The following OR14A2 variants were observed in gnomAD, a reference collection of about 807,000 sequenced individuals.
The protein encoded by OR14A2 is olfactory receptor family 14 subfamily A member 2.
For synonymous variants in OR14A2, 114 were observed against 58.6 expected (o/e 1.95, Z -4.32); for missense variants, 237 against 152.9 (o/e 1.55, Z -2.90).
At chr1:247,734,142 A>G in the OR14A2 span, among the ~76,000 whole-genome samples, 14 of 152,292 alleles carry the variant, frequency 9.2e-5, 1 homozygote, top group Middle Eastern at 6.8e-3. Context: ...AGAGCTTATT[A>G]AGATAAAGTG....
chr1:247,728,929 C>T (rs540461641), upstream of OR14A2, among the ~76,000 whole-genome samples: 8 of 152,158 alleles, frequency 5.3e-5, no homozygotes, highest in Non-Finnish European at 8.8e-5. Flanking sequence ...TCATAAACTC[C>T]GTGTCAACAT....
upstream of OR14A2, among the ~76,000 whole-genome samples, chr1:247,724,231 T>C (rs934371118): frequency 1.3e-5 from 2 of 152,088 alleles, no homozygotes; most frequent in African/African-American, 4.8e-5. Context: ...ATTGTTCATT[T>C]TTTAAGATAA....
chr1:247,734,802 T>C, the OR14A2 span, among the ~76,000 whole-genome samples: 1 of 152,212 alleles, frequency 6.6e-6, no homozygotes, highest in South Asian at 2.1e-4. Flanking sequence ...TCGCAATGAA[T>C]GTGGGGTGTC....
the OR14A2 span, chr1:247,746,767 C>G: frequency 6.6e-6 from 1 of 152,132 alleles, no homozygotes; most frequent in Admixed American, 6.5e-5. Context: ...TCTCACATTC[C>G]CAAAAGCACA....
chr1:247,731,682 G>T, the OR14A2 span, among the ~76,000 whole-genome samples: 1 of 151,468 alleles, frequency 6.6e-6, no homozygotes, highest in African/African-American at 2.4e-5. Flanking sequence ...TTTCAATTTT[G>T]TAATTTCTGT....
At chr1:247,727,683 A>G (rs1660410047), upstream of OR14A2, among the ~76,000 whole-genome samples, 1 of 148,426 alleles carries the variant, frequency 6.7e-6, no homozygotes. Context: ...TAGCAAGACT[A>G]ATAAAGAAAA....
chr1:247,736,096 G>A, the OR14A2 span, among the ~76,000 whole-genome samples: 1 of 151,174 alleles, frequency 6.6e-6, no homozygotes, highest in African/African-American at 2.4e-5. Flanking sequence ...TGTTGCTTCT[G>A]TTGATCTTAC....
chr1:247,729,487 T>C, the OR14A2 span, among the ~76,000 whole-genome samples: 1 of 152,186 alleles, frequency 6.6e-6, no homozygotes, highest in South Asian at 2.1e-4. Flanking sequence ...CAACATAACA[T>C]AGTTGAAGAT....
the OR14A2 span, among the ~76,000 whole-genome samples, chr1:247,736,169 C>CCCTCT: frequency 0.18 from 25,818 of 147,018 alleles, 2,991 homozygotes; most frequent in Admixed American, 0.32. Context: ...CCCTCCCCTC[C>CCCTCT]CCTCTCCTCT....
the OR14A2 span, among the ~76,000 whole-genome samples, chr1:247,741,585 G>A: frequency 2.0e-5 from 3 of 152,142 alleles, no homozygotes; most frequent in Admixed American, 6.5e-5. Context: ...CATACAGAGT[G>A]AGTGATAAAT....
chr1:247,730,254 A>C, the OR14A2 span, among the ~76,000 whole-genome samples: 1 of 152,150 alleles, frequency 6.6e-6, no homozygotes, highest in South Asian at 2.1e-4. Flanking sequence ...CCCTGATGAC[A>C]CCAAACTCAA....
exon 1 of OR14A2, chr1:247,723,815 G>A (rs1183170034): frequency 1.7e-5 from 12 of 717,800 alleles, no homozygotes; most frequent in Non-Finnish European, 3.1e-5. Context: ...ATGAATTTTG[G>A]GATTGGAACA....
chr1:247,735,109 T>C, the OR14A2 span, among the ~76,000 whole-genome samples: 1 of 152,124 alleles, frequency 6.6e-6, no homozygotes, highest in East Asian at 1.9e-4. Context: ...ATGTTGAAAA[T>C]TCGGTGCTCT....
the OR14A2 span, among the ~76,000 whole-genome samples, chr1:247,740,563 G>A: frequency 1.3e-5 from 2 of 152,054 alleles, no homozygotes; most frequent in Admixed American, 6.6e-5. Flanking sequence ...TTCCTGACTT[G>A]TGCAAATTGC....
chr1:247,739,449 G>C, the OR14A2 span: 2 of 780,624 alleles, frequency 2.6e-6, no homozygotes, highest in East Asian at 4.9e-5. Flanking sequence ...CTATTCTGTC[G>C]CACCTCCAAC....
At chr1:247,732,673 TA>T in the OR14A2 span, among the ~76,000 whole-genome samples, 1 of 152,188 alleles carries the variant, frequency 6.6e-6, no homozygotes, top group Non-Finnish European at 1.5e-5. Context: ...GTTTTATTTA[TA>T]ATCACCAAAA....
At chr1:247,742,289 C>T in the OR14A2 span, among the ~76,000 whole-genome samples, 7 of 138,874 alleles carry the variant, frequency 5.0e-5, no homozygotes, top group Non-Finnish European at 9.7e-5. Context: ...CGCACACACA[C>T]ACACCATGAA....
At chr1:247,727,013 C>G (rs927471341), upstream of OR14A2, among the ~76,000 whole-genome samples, 2 of 150,400 alleles carry the variant, frequency 1.3e-5, no homozygotes, top group East Asian at 3.9e-4. Context: ...CTTGGCGATG[C>G]GGGCTCTTTT....
At chr1:247,726,626 GTAATGCCTAGGTTTTCTTCTAGGGTTTT>G (rs1481158035), upstream of OR14A2, among the ~76,000 whole-genome samples, 10 of 143,366 alleles carry the variant, frequency 7.0e-5, no homozygotes, top group East Asian at 1.8e-3. Context: ...GTCCTGAATG[GTAATGCCTAGGTTTTCTTCTAGGGTTTT>G]TATGGTTTTA....
Sources: gnomAD v4.1 joint callset for allele counts (sites outside exome capture counted in the v4.1 genomes callset) on GRCh38, gnomAD v4.1.1 for gene constraint, MANE v1.5 for transcripts, NCBI Gene and HGNC (gene_info 2026-07-23, HGNC 2026-07-21) for gene names.